The following SHLD2 variants were observed in gnomAD, a reference collection of about 807,000 sequenced individuals.
SHLD2 encodes shieldin complex subunit 2, also known as RINN1-REV7-interacting novel NHEJ regulator 2.
SHLD2 carries 30 observed loss-of-function variants against 73.2 expected under a neutral mutation model. The observed-to-expected ratio is 0.41, with a 90% CI of 0.31 to 0.56. The LOEUF is 0.56. Among genes scored for constraint, SHLD2 ranks in the 20% least tolerant of loss-of-function variants. The pLI, the probability that SHLD2 is intolerant of heterozygous loss-of-function variation, is 0.28. For missense variants in SHLD2, 745 were observed against 1,055.9 expected, an observed-to-expected ratio of 0.71 and a Z score of 4.08; for synonymous variants, 285 against 370.1, an observed-to-expected ratio of 0.77 and a Z score of 2.64.
chr10:87,105,698 T>G (rs973568824), intron 2 of SHLD2, among the ~76,000 whole-genome samples: 5 of 152,230 alleles, frequency 3.3e-5, no homozygotes, highest in Non-Finnish European at 5.9e-5. Flanking sequence ...GTTTGTGATA[T>G]CTTTCCTAAG....
rs571312042 is a variant in SHLD2, at chr10:87,103,083, G to A, written c.-6+6094G>A. On this transcript the variant is annotated intron_variant, in intron 2 of 9. Transcript: ENST00000298786. The stretch of plus-strand genomic sequence containing the variant: ...AAATTAGCTAGGTGTGGTGGTGCAC[G>A]CCTGTAGTCCCAGCTGCTCAGGAGG... Among the ~76,000 whole-genome samples, 55 of 152,002 alleles carry A rather than the reference G, an allele frequency of 3.6e-4. 1 individual carries two copies. The highest frequency in any genetic ancestry group is 3.2e-3 in the Admixed American group (49 of 15,262).
At chr10:87,183,009 G>T (rs1589668941) in intron 8 of SHLD2, among the ~76,000 whole-genome samples, 1 of 152,218 alleles carries the variant, frequency 6.6e-6, no homozygotes, top group Non-Finnish European at 1.5e-5. Context: ...TCAGAAGTGA[G>T]TTAGCTGTGC....
At chr10:87,139,853 A>T (rs1420194796) in intron 2 of SHLD2, among the ~76,000 whole-genome samples, 2 of 152,216 alleles carry the variant, frequency 1.3e-5, no homozygotes, top group Non-Finnish European at 2.9e-5. Context: ...CACAAGTAGT[A>T]TCTAAAGATG....
chr10:87,094,500 C>T (rs1299356000), upstream of SHLD2: 11 of 1,613,376 alleles, frequency 6.8e-6, no homozygotes, highest in African/African-American at 4.0e-5. The surrounding 1 kb of genome is among the most constrained non-coding windows in gnomAD (Gnocchi z 6.6). Flanking sequence ...TCTCCCGGGT[C>T]CTCAGGTCCT....
chr10:87,101,210 T>C (rs774717225), intron 2 of SHLD2, among the ~76,000 whole-genome samples: 31 of 152,166 alleles, frequency 2.0e-4, no homozygotes, highest in Non-Finnish European at 3.7e-4. Flanking sequence ...TAATTTAGAA[T>C]CAAGTATAGA....
At chr10:87,094,780 G>C, upstream of SHLD2, 1 of 1,530,884 alleles carries the variant, frequency 6.5e-7, no homozygotes, top group South Asian at 1.2e-5. This position sits in a 1 kb window ranked among gnomAD's most constrained non-coding sequence, Gnocchi z 6.6. Context: ...GGCCACAAGC[G>C]GAGGGGAGGT....
intron 2 of SHLD2, among the ~76,000 whole-genome samples, chr10:87,148,789 T>C (rs1170709588): frequency 3.3e-5 from 5 of 151,814 alleles, no homozygotes; most frequent in South Asian, 2.1e-4. Flanking sequence ...GAAGAAACCA[T>C]TGGAGAAGAA....
At chr10:87,111,476 A>G (rs549100089) in intron 2 of SHLD2, among the ~76,000 whole-genome samples, 1 of 151,890 alleles carries the variant, frequency 6.6e-6, no homozygotes, top group Admixed American at 6.6e-5. Context: ...CCCCCTCTCT[A>G]CTACAAATAC....
chr10:87,094,853 C>G (rs983042837), upstream of SHLD2: 13 of 1,131,346 alleles, frequency 1.1e-5, no homozygotes, highest in Non-Finnish European at 1.6e-5. The surrounding 1 kb of genome is among the most constrained non-coding windows in gnomAD (Gnocchi z 6.6). Context: ...GGAAGGGTCC[C>G]GCGCGGGTTG....
In SHLD2 at chr10:87,121,826, G is replaced by A. The variant is rs550409357; in HGVS notation, c.-6+24837G>A. ...GATGGCCAGACTGGAGTACAGTGGT[G>A]TGATCTCGGCTCACTGCATCCTCCG... On this transcript the variant is annotated intron_variant, in intron 2 of 9. Coordinates refer to ENST00000298786, the MANE Select transcript of SHLD2 (RefSeq NM_001330112.2). Among the ~76,000 whole-genome samples, 71 of 147,792 alleles carry A rather than the reference G, an allele frequency of 4.8e-4. 2 individuals are homozygous for A. The South Asian group carries it at 0.012, about 25-fold the overall frequency.
At chr10:87,158,473 T>C (rs12253533) in intron 4 of SHLD2, among the ~76,000 whole-genome samples, 4,451 of 152,128 alleles carry the variant, frequency 0.029, 235 homozygotes, top group African/African-American at 0.1. Context: ...ACTGGACTTA[T>C]GTAGATAGGC....
intron 2 of SHLD2, among the ~76,000 whole-genome samples, chr10:87,109,301 A>AT (rs554117476): frequency 0.052 from 7,342 of 142,246 alleles, 574 homozygotes; most frequent in African/African-American, 0.17. Context: ...CGCAAATAAG[A>AT]TTTTTTTTTT....
At chr10:87,131,651 T>C (rs1279274019) in intron 2 of SHLD2, among the ~76,000 whole-genome samples, 2 of 152,206 alleles carry the variant, frequency 1.3e-5, no homozygotes, top group African/African-American at 2.4e-5. Flanking sequence ...TTCTGGCTAT[T>C]GTAAATAGTG....
At chr10:87,096,185 C>T (rs1349300696) in intron 1 of SHLD2, among the ~76,000 whole-genome samples, 2 of 152,018 alleles carry the variant, frequency 1.3e-5, no homozygotes, top group Non-Finnish European at 2.9e-5. Context: ...GCTGGGATTA[C>T]AGGCCCGCGC....
At chr10:87,179,799 G>A (rs1300872040) in intron 7 of SHLD2, among the ~76,000 whole-genome samples, 1 of 152,172 alleles carries the variant, frequency 6.6e-6, no homozygotes, top group Non-Finnish European at 1.5e-5. Flanking sequence ...TTCTTCTAAA[G>A]GAGGTATTGA....
intron 2 of SHLD2, among the ~76,000 whole-genome samples, chr10:87,115,784 A>G (rs1843218510): frequency 6.6e-6 from 1 of 152,218 alleles, no homozygotes; most frequent in African/African-American, 2.4e-5. Flanking sequence ...ATGTAAACAC[A>G]TTAATCCTGG....
intron 2 of SHLD2, among the ~76,000 whole-genome samples, chr10:87,144,753 A>G (rs1312713264): frequency 6.9e-6 from 1 of 145,496 alleles, no homozygotes; most frequent in East Asian, 2.1e-4. Flanking sequence ...CAGCCTCCAG[A>G]GTAGCTGGGA....
At chr10:87,143,957 G>A (rs976793584) in intron 2 of SHLD2, among the ~76,000 whole-genome samples, 26 of 149,770 alleles carry the variant, frequency 1.7e-4, no homozygotes, top group African/African-American at 6.4e-4. Context: ...TCCACCTCCT[G>A]GGTTCAAGCG....
chr10:87,110,692 A>G (rs1316679109), intron 2 of SHLD2, among the ~76,000 whole-genome samples: 1 of 152,064 alleles, frequency 6.6e-6, no homozygotes, highest in Non-Finnish European at 1.5e-5. Flanking sequence ...TATCATTTTA[A>G]TGGATCAAAG....
Sources: allele counts gnomAD v4.1 joint callset (sites outside exome capture counted in the v4.1 genomes callset), GRCh38; gene constraint gnomAD v4.1.1; non-coding constraint Gnocchi (gnomAD v3.1); transcripts MANE v1.5; gene names NCBI Gene and HGNC (gene_info 2026-07-23, HGNC 2026-07-21).